The following SPINDOC variants were observed in gnomAD, a reference collection of about 807,000 sequenced individuals.
The protein encoded by SPINDOC is spindlin interactor and repressor of chromatin-binding protein.
In SPINDOC, 13 loss-of-function variants were observed where a neutral mutation model predicts 30.7. The ratio of observed to expected loss-of-function variants is 0.42; its 90% confidence interval spans 0.28 to 0.67. The LOEUF is 0.67. Among genes scored for constraint, SPINDOC ranks in the 30% least tolerant of loss-of-function variants. SPINDOC has a pLI of 0.22. For missense variants in SPINDOC, 438 were observed against 518.0 expected, an observed-to-expected ratio of 0.85 and a Z score of 1.50; for synonymous variants, 228 against 211.4, an observed-to-expected ratio of 1.08 and a Z score of -0.68.
At chr11:63,813,863 T>C in intron 1 of SPINDOC, 50 bp downstream of exon 1, 1 of 1,450,334 alleles carries the variant, frequency 6.9e-7, no homozygotes, top group Non-Finnish European at 9.2e-7. Context: ...GGGCCGGGGC[T>C]GGGGCCGTCC....
At chr11:63,820,414 AAAG>A (rs1240348990) in intron 5 of SPINDOC, among the ~76,000 whole-genome samples, 2 of 151,534 alleles carry the variant, frequency 1.3e-5, no homozygotes, top group East Asian at 3.9e-4. Flanking sequence ...AAAAAAAAAA[AAAG>A]AAGCTTACAT....
chr11:63,818,676 C>T lies in SPINDOC; in HGVS notation c.733+24C>T, dbSNP rs553113602. On this transcript the variant is annotated intron_variant, in intron 4 of 5. Coordinates refer to ENST00000294244, the MANE Select transcript of SPINDOC (RefSeq NM_138471.3). This position sits in a 1 kb window ranked among gnomAD's most constrained non-coding sequence, Gnocchi z 5.3. The stretch of plus-strand genomic sequence containing the variant: ...AGGTGAAGGGGAGGCCCGGGGGAGG[C>T]GTGGGCTCTGGCCGCAGTGCTCTGA... 2.0e-5 allele frequency: 32 copies of T among 1,612,826 alleles called. No homozygotes were observed. The highest frequency in any genetic ancestry group is 1.0e-4 in the Admixed American group (6 of 59,852).
Position 63,817,905 on chromosome 11 carries a change from G to T in SPINDOC, c.228G>T (p.Glu76Asp). 6.2e-7 allele frequency: 1 copy of T among 1,614,002 alleles called. No individual in the cohort carries two copies. The highest frequency in any genetic ancestry group is 8.5e-7 in the Non-Finnish European group (1 of 1,179,984). The stretch of plus-strand genomic sequence containing the variant: ...AGCAGCAGGTGTCTTGGGAGCAGGA[G>T]TTCCTGGTGGGCAGCAGCCCAGGAG... ...EPKQQVSWEQEFLVGSSPGGS... is the reference protein window; with the variant it reads ...EPKQQVSWEQDFLVGSSPGGS... Residue 76 changes from glutamate (E) to aspartate (D), a missense_variant, in exon 2 of 6, where the codon GAG (glutamate) becomes GAT (aspartate). By Grantham distance (45) the Glu-to-Asp change is conservative (BLOSUM62 2). This residue lies in a region of SPINDOC where 129 missense variants were observed against 152.7 expected (regional missense o/e 0.84). Transcript: ENST00000294244.
intron 5 of SPINDOC, chr11:63,822,899 G>T: frequency 3.1e-6 from 4 of 1,286,646 alleles, no homozygotes; most frequent in Non-Finnish European, 4.1e-6. Flanking sequence ...TTTGGGGTGA[G>T]TGGGCAAAGT....
intron 5 of SPINDOC, among the ~76,000 whole-genome samples, chr11:63,825,570 C>T (rs777196435): frequency 6.6e-6 from 1 of 152,214 alleles, no homozygotes; most frequent in African/African-American, 2.4e-5. Flanking sequence ...TTAGGGAGCT[C>T]CATTCACCGC....
In SPINDOC at chr11:63,813,797, C is replaced by T; in HGVS notation, c.111C>T (p.Pro37=). 2.6e-6 allele frequency: 4 copies of T among 1,565,832 alleles called. No individual in the cohort carries two copies. Among genetic ancestry groups the T allele is most frequent in the Non-Finnish European group, 2.6e-6 (3 of 1,158,792 alleles). ...TGGTGGTGGCCGTAATTCCGCGGCCCGAGCCGATGCTCAGAGGTGAGGATG... is the reference window on the plus strand; with the variant it reads ...TGGTGGTGGCCGTAATTCCGCGGCCTGAGCCGATGCTCAGAGGTGAGGATG... ...EAMVVAVIPR[P]EPMLRVTQQE... is the part of the protein sequence containing the mutation. Residue 37 remains proline (P), a synonymous_variant, in exon 1 of 6, where the codon CCC becomes CCT. Coordinates refer to ENST00000294244, the MANE Select transcript of SPINDOC (RefSeq NM_138471.3).
chr11:63,826,896 T>C (rs1565081260), intron 5 of SPINDOC, 32 bp from the exon 6 acceptor site: 1 of 1,117,474 alleles, frequency 8.9e-7, no homozygotes, highest in Non-Finnish European at 1.4e-6. Flanking sequence ...TCTGGGGGGC[T>C]CTGACTGCTC....
At chr11:63,820,398 C>CA (rs201624522) in intron 5 of SPINDOC, among the ~76,000 whole-genome samples, 2,177 of 53,608 alleles carry the variant, frequency 0.041, 21 homozygotes, top group African/African-American at 0.057. Flanking sequence ...ACTCTGTCTC[C>CA]AAAAAAAAAA....
chr11:63,818,667 CGGGGGAGGCGT>C lies in SPINDOC; in HGVS notation c.733+19_733+29del. On this transcript the variant is annotated intron_variant, in intron 4 of 5. Coordinates refer to ENST00000294244, the MANE Select transcript of SPINDOC (RefSeq NM_138471.3). This position sits in a 1 kb window ranked among gnomAD's most constrained non-coding sequence, Gnocchi z 5.3. ...CCCTGACCCAGGTGAAGGGGAGGCCCGGGGGAGGCGTGGGCTCTGGCCGCAGTGCTCTGAGG... is the reference window on the plus strand; with the variant it reads ...CCCTGACCCAGGTGAAGGGGAGGCCCGGGCTCTGGCCGCAGTGCTCTGAGG... The C allele has an allele frequency of 1.2e-6, 2 of 1,613,180 alleles. No homozygotes were observed. The highest frequency in any genetic ancestry group is 1.7e-6 in the Non-Finnish European group (2 of 1,179,882).
At position 63,826,958 on chromosome 11, in the gene SPINDOC, A is replaced by G. The variant is rs1239395742; in HGVS notation, c.965A>G (p.Asp322Gly). 6.3e-7 allele frequency: 1 copy of G among 1,597,894 alleles called. No individual in the cohort carries two copies. Among genetic ancestry groups the G allele is most frequent in the East Asian group, 2.2e-5 (1 of 44,758 alleles). The change falls in exon 6 of 6, where the codon GAT (aspartate) becomes GGT (glycine). Residue 322 changes from aspartate to glycine, a missense_variant. Transcript: ENST00000294244. ...APPPGLRGTL[D>G]LQVIRVRMEE... Reference sequence around the variant, plus strand: ...CCTCCGGGGCTCCGCGGGACACTGGATCTCCAGGTTATCCGCGTGCGGATG... The same window carrying G: ...CCTCCGGGGCTCCGCGGGACACTGGGTCTCCAGGTTATCCGCGTGCGGATG...
chr11:63,813,842 G>C (rs367917870), intron 1 of SPINDOC, 29 bp downstream of exon 1: 1 of 1,495,290 alleles, frequency 6.7e-7, no homozygotes, highest in Non-Finnish European at 9.0e-7. Context: ...CCACTTCCGC[G>C]TCACGGTGCG....
Position 63,825,253 on chromosome 11 carries a change from C to G in SPINDOC, c.935-1675C>G, listed in dbSNP as rs140933711. 7.5e-4 allele frequency among the ~76,000 whole-genome samples: 114 copies of G among 152,302 alleles called. 2 individuals carry two copies. In the East Asian group the frequency reaches 0.011, roughly 15 times the overall value. On this transcript the variant is annotated intron_variant, in intron 5 of 5. Coordinates refer to ENST00000294244, the MANE Select transcript of SPINDOC (RefSeq NM_138471.3). ...CCCACAGGCTCCTGACCTCTCCCCCCACATCCCGCTCCCCGCACAGGCACT... is the reference window on the plus strand; with the variant it reads ...CCCACAGGCTCCTGACCTCTCCCCCGACATCCCGCTCCCCGCACAGGCACT...
chr11:63,824,885 G>A (rs1292016213), intron 5 of SPINDOC, among the ~76,000 whole-genome samples: 1 of 152,048 alleles, frequency 6.6e-6, no homozygotes, highest in African/African-American at 2.4e-5. Flanking sequence ...CCAGGCTTCA[G>A]TTTGCTGTGA....
chr11:63,823,180 GTGGCGGT>G (rs771005887), intron 5 of SPINDOC: 54 of 1,289,044 alleles, frequency 4.2e-5, no homozygotes, highest in Non-Finnish European at 5.5e-5. Context: ...AGGGGCCCCC[GTGGCGGT>G]TCTTTGCGGA....
intron 5 of SPINDOC, among the ~76,000 whole-genome samples, chr11:63,820,682 G>A (rs1315489628): frequency 6.6e-6 from 1 of 151,270 alleles, no homozygotes; most frequent in African/African-American, 2.4e-5. Flanking sequence ...ACGAGGTCAG[G>A]AGATCGAGAC....
chr11:63,818,865 C>T lies in SPINDOC; in HGVS notation c.797C>T (p.Thr266Ile), dbSNP rs2015426951. Reference sequence around the variant, plus strand: ...GCACCAGCCGAGGTCCGACACTTCACTGACGGCAGCTTCCCCGCCGGCTTC... The same window carrying T: ...GCACCAGCCGAGGTCCGACACTTCATTGACGGCAGCTTCCCCGCCGGCTTC... ...FAAPAEVRHF[T>I]DGSFPAGFVL... The change falls in exon 5 of 6, where the codon ACT becomes ATT. Residue 266 changes from threonine to isoleucine, a missense_variant. Physicochemically the swap from Thr to Ile is moderately conservative, Grantham distance 89 (BLOSUM62 -1). Coordinates refer to ENST00000294244, the MANE Select transcript of SPINDOC (RefSeq NM_138471.3). The surrounding 1 kb of genome is among the most constrained non-coding windows in gnomAD (Gnocchi z 5.3). 6.2e-7 allele frequency: 1 copy of T among 1,614,134 alleles called. No individual in the cohort carries two copies. The highest frequency in any genetic ancestry group is 8.5e-7 in the Non-Finnish European group (1 of 1,180,042).
rs1223568195 is a variant in SPINDOC, at chr11:63,827,263, G to A, written c.*124G>A. ...GAAACAGGTGCCAGGGCAGGAGGGG[G>A]CTGGGGCAGCATCCACTGTTATTTC... On this transcript the variant is annotated 3_prime_UTR_variant, in exon 6 of 6. Coordinates refer to ENST00000294244, the MANE Select transcript of SPINDOC (RefSeq NM_138471.3). The A allele has an allele frequency of 4.1e-6, 6 of 1,459,012 alleles. No homozygotes were observed. The East Asian group carries it at 1.2e-4, about 30-fold the overall frequency. The allele number at this position is 1,459,012 out of a possible 1,614,324, so 90.4% of individuals were successfully genotyped here. A position where few individuals can be genotyped will look rare whatever the true frequency, so the allele number is the denominator to read the frequency against.
At chr11:63,825,893 G>A (rs761392080) in intron 5 of SPINDOC, among the ~76,000 whole-genome samples, 2 of 151,982 alleles carry the variant, frequency 1.3e-5, no homozygotes, top group Non-Finnish European at 1.5e-5. Flanking sequence ...AATATAGACA[G>A]TGCAGTAGTT....
chr11:63,820,027 G>A (rs181930878), intron 5 of SPINDOC, among the ~76,000 whole-genome samples: 61 of 152,178 alleles, frequency 4.0e-4, no homozygotes, highest in Admixed American at 1.8e-3. Flanking sequence ...GACACCTCCA[G>A]GGGACACCAG....
Sources: gnomAD v4.1 joint callset for allele counts (sites outside exome capture counted in the v4.1 genomes callset) on GRCh38, gnomAD v4.1.1 for gene constraint, gnomAD v4.1.1 regional missense constraint, Gnocchi (gnomAD v3.1) non-coding constraint, MANE v1.5 for transcripts, NCBI Gene and HGNC (gene_info 2026-07-23, HGNC 2026-07-21) for gene names.